GULP1: variants seen among roughly 807,000 people sequenced by gnomAD.
GULP1 encodes PTB domain-containing engulfment adapter protein 1.
GULP1 carries 19 observed loss-of-function variants against 40.9 expected under a neutral mutation model. That is an observed-to-expected ratio of 0.46 (90% confidence interval 0.32 to 0.68). The LOEUF (loss-of-function observed/expected upper bound fraction) is 0.68, where lower values mean the gene tolerates loss of function less well. Among genes scored for constraint, GULP1 ranks in the 30% least tolerant of loss-of-function variants. GULP1 has a pLI of 0.03. For synonymous variants in GULP1, 119 were observed against 117.6 expected, an observed-to-expected ratio of 1.01 and a Z score of -0.08; for missense variants, 312 against 362.2, an observed-to-expected ratio of 0.86 and a Z score of 1.12.
chr2:188,573,687 C>T (rs957915356), intron 9 of GULP1, among the ~76,000 whole-genome samples: 6 of 152,088 alleles, frequency 3.9e-5, no homozygotes, highest in African/African-American at 1.2e-4. Context: ...GATTAGAGTG[C>T]TCCAAAATGA....
intron 2 of GULP1, among the ~76,000 whole-genome samples, chr2:188,464,895 C>T (rs896268441): frequency 3.3e-5 from 5 of 152,090 alleles, no homozygotes; most frequent in Admixed American, 6.5e-5. Flanking sequence ...GAGACTCAAC[C>T]GTCATGGCAG....
At chr2:188,568,891 A>T (rs1698417156) in intron 7 of GULP1, among the ~76,000 whole-genome samples, 1 of 152,168 alleles carries the variant, frequency 6.6e-6, no homozygotes, top group East Asian at 1.9e-4. Flanking sequence ...ATAGGCACTA[A>T]ATATTTGAGA....
At chr2:188,404,126 A>G (rs1055097657) in intron 2 of GULP1, among the ~76,000 whole-genome samples, 12 of 152,154 alleles carry the variant, frequency 7.9e-5, no homozygotes, top group Non-Finnish European at 1.5e-4. Flanking sequence ...AAGATTCCTA[A>G]TCTAAAAGGG....
At chr2:188,303,876 G>A (rs2036574528) in intron 1 of GULP1, among the ~76,000 whole-genome samples, 1 of 152,190 alleles carries the variant, frequency 6.6e-6, no homozygotes, top group Non-Finnish European at 1.5e-5. Flanking sequence ...CACTGGGGAA[G>A]CTAGGCAAGG....
chr2:188,476,187 A>T (rs1289964839), intron 2 of GULP1, among the ~76,000 whole-genome samples: 1 of 152,160 alleles, frequency 6.6e-6, no homozygotes, highest in African/African-American at 2.4e-5. Context: ...GAGTGATGAG[A>T]GTAACCTGAG....
At chr2:188,302,226 C>A (rs2036257209) in intron 1 of GULP1, among the ~76,000 whole-genome samples, 1 of 152,014 alleles carries the variant, frequency 6.6e-6, no homozygotes, top group Non-Finnish European at 1.5e-5. Context: ...ATAAGTCAAT[C>A]ATCTTATTAA....
intron 2 of GULP1, among the ~76,000 whole-genome samples, chr2:188,428,471 G>A (rs1262997592): frequency 6.6e-6 from 1 of 152,132 alleles, no homozygotes. Flanking sequence ...GGGCTTGGTG[G>A]GAGGTGATTT....
chr2:188,487,066 TGCAG>T, intron 4 of GULP1, among the ~76,000 whole-genome samples: 1 of 152,100 alleles, frequency 6.6e-6, no homozygotes, highest in African/African-American at 2.4e-5. Flanking sequence ...AGAATGTTAA[TGCAG>T]AAATTTAAAA....
intron 1 of GULP1, among the ~76,000 whole-genome samples, chr2:188,329,840 A>G (rs2041313956): frequency 6.6e-6 from 1 of 152,154 alleles, no homozygotes; most frequent in Non-Finnish European, 1.5e-5. Flanking sequence ...GCTGATGGAT[A>G]TAGGATATTA....
At chr2:188,448,605 A>G (rs1054155263) in intron 2 of GULP1, among the ~76,000 whole-genome samples, 24 of 152,192 alleles carry the variant, frequency 1.6e-4, no homozygotes, top group African/African-American at 5.8e-4. Flanking sequence ...ATCATCATCT[A>G]TAAAATAAAG....
chr2:188,426,656 G>T (rs1449243297), intron 2 of GULP1, among the ~76,000 whole-genome samples: 2 of 152,138 alleles, frequency 1.3e-5, no homozygotes, highest in Admixed American at 1.3e-4. Flanking sequence ...TTAGTTCTGT[G>T]ATCTCTGTTT....
chr2:188,529,625 G>A (rs1687054809), intron 6 of GULP1, among the ~76,000 whole-genome samples: 1 of 152,084 alleles, frequency 6.6e-6, no homozygotes, highest in Non-Finnish European at 1.5e-5. Flanking sequence ...CACAAACTGG[G>A]TGGCTTAAAC....
chr2:188,445,107 C>G (rs1340027483), intron 2 of GULP1, among the ~76,000 whole-genome samples: 1 of 152,060 alleles, frequency 6.6e-6, no homozygotes, highest in Non-Finnish European at 1.5e-5. Flanking sequence ...TCTCCATATT[C>G]TTAGTTAATG....
Position 188,541,333 on chromosome 2 carries a change from T to C in GULP1, c.399+15T>C. Reference sequence around the variant, plus strand: ...GCGAAAAGTGTGTAAGTATCCCAGATGTTGTAGGGTGGTTTGTTCTGTTTT... The same window carrying C: ...GCGAAAAGTGTGTAAGTATCCCAGACGTTGTAGGGTGGTTTGTTCTGTTTT... On this transcript the variant is annotated intron_variant, in intron 7 of 11. Transcript: ENST00000409830. The C allele has an allele frequency of 6.2e-7, 1 of 1,609,322 alleles. No homozygotes were observed. The highest frequency in any genetic ancestry group is 8.5e-7 in the Non-Finnish European group (1 of 1,175,702).
intron 1 of GULP1, among the ~76,000 whole-genome samples, chr2:188,310,600 G>A (rs2037923124): frequency 6.6e-6 from 1 of 152,130 alleles, no homozygotes; most frequent in Admixed American, 6.5e-5. Context: ...AGGTGTTTTG[G>A]GGACATTCAG....
At chr2:188,541,637 A>T (rs1185965262) in intron 7 of GULP1, 1 of 513,690 alleles carries the variant, frequency 1.9e-6, no homozygotes, top group African/African-American at 1.9e-5. Context: ...CTCAAATATG[A>T]TTTAGTATTA....
chr2:188,437,637 G>A (rs969296347), intron 2 of GULP1, among the ~76,000 whole-genome samples: 3 of 151,994 alleles, frequency 2.0e-5, no homozygotes, highest in Non-Finnish European at 4.4e-5. Flanking sequence ...AATGTTCATT[G>A]CAGTGCTATT....
At chr2:188,352,612 T>TCACACA (rs1265583408) in intron 1 of GULP1, among the ~76,000 whole-genome samples, 4 of 42,516 alleles carry the variant, frequency 9.4e-5, no homozygotes, top group Admixed American at 3.7e-4. Flanking sequence ...TCTCTCTCTC[T>TCACACA]CTCTCTCACA....
intron 2 of GULP1, among the ~76,000 whole-genome samples, chr2:188,456,430 A>G (rs1044533107): frequency 3.3e-5 from 5 of 152,160 alleles, no homozygotes; most frequent in Admixed American, 6.5e-5. Context: ...AAATGGACGA[A>G]TGTAGAGCTT....
Sources: allele counts gnomAD v4.1 joint callset (sites outside exome capture counted in the v4.1 genomes callset), GRCh38; gene constraint gnomAD v4.1.1; transcripts MANE v1.5; gene names NCBI Gene and HGNC (gene_info 2026-07-23, HGNC 2026-07-21).